The following FMN1 variants were observed in gnomAD, a reference collection of about 807,000 sequenced individuals.
The protein encoded by FMN1 is formin-1.
Under a neutral mutation model 132.4 loss-of-function variants are expected in FMN1, and 110 were observed. The observed-to-expected ratio is 0.83, with a 90% CI of 0.71 to 0.97. FMN1 has a LOEUF of 0.97. Among genes scored for constraint, FMN1 ranks in the 50% least tolerant of loss-of-function variants. The pLI is 0.00. For missense variants in FMN1, 1,792 were observed against 1,705.3 expected (o/e 1.05, Z -0.90); for synonymous variants, 722 against 651.7 (o/e 1.11, Z -1.64).
At chr15:33,096,320 T>C (rs2039083318) in intron 4 of FMN1, among the ~76,000 whole-genome samples, 1 of 152,224 alleles carries the variant, frequency 6.6e-6, no homozygotes, top group Non-Finnish European at 1.5e-5. Flanking sequence ...CCAATAAGGC[T>C]GGTCTAGTCG....
intron 16 of FMN1, among the ~76,000 whole-genome samples, chr15:32,868,808 A>G (rs909279717): frequency 3.3e-5 from 5 of 152,144 alleles, no homozygotes; most frequent in African/African-American, 1.2e-4. Flanking sequence ...CTTACCAAGT[A>G]TCTGCTGTAT....
At chr15:33,082,091 CAATGTGT>C (rs1300926970) in intron 5 of FMN1, among the ~76,000 whole-genome samples, 1 of 76,060 alleles carries the variant, frequency 1.3e-5, no homozygotes, top group Non-Finnish European at 2.5e-5. Flanking sequence ...GGCTGGAAAA[CAATGTGT>C]GTGTGTGTGT....
At position 32,804,245 on chromosome 15, in the gene FMN1, C is replaced by T. The variant is rs753136639; in HGVS notation, c.3980+36G>A. On this transcript the variant is annotated intron_variant, in intron 18 of 20. Transcript: ENST00000616417. ...ATAATAATACAAAAGAATGGCTAGT[C>T]AAAGAAAGAACTGGGGCCAAATCAG... 3 of 1,487,694 alleles carry T rather than the reference C, an allele frequency of 2.0e-6. No individual in the cohort carries two copies. The East Asian group carries it at 7.2e-5, about 36-fold the overall frequency. 92.2% of individuals were successfully genotyped at this position (1,487,694 alleles called of 1,614,324 possible). A position where few individuals can be genotyped will look rare whatever the true frequency, so the allele number is the denominator to read the frequency against.
chr15:33,063,861 C>T (rs2037595602), intron 6 of FMN1: 1 of 152,164 alleles, frequency 6.6e-6, no homozygotes, highest in African/African-American at 2.4e-5. Flanking sequence ...TTCATTCTTA[C>T]ACAATTATGA....
intron 9 of FMN1, among the ~76,000 whole-genome samples, chr15:32,933,356 A>G (rs2061170918): frequency 6.6e-6 from 1 of 152,162 alleles, no homozygotes; most frequent in African/African-American, 2.4e-5. Context: ...TATAATTCCA[A>G]TTTTTAAAAA....
At chr15:33,110,218 A>G (rs531055082) in intron 4 of FMN1, among the ~76,000 whole-genome samples, 2 of 152,122 alleles carry the variant, frequency 1.3e-5, no homozygotes, top group African/African-American at 2.4e-5. Context: ...CTAAAAAACC[A>G]TAAGCAAGTA....
chr15:32,883,377 G>A (rs558221448), intron 16 of FMN1, among the ~76,000 whole-genome samples: 1 of 151,882 alleles, frequency 6.6e-6, no homozygotes, highest in South Asian at 2.1e-4. Flanking sequence ...GGGCGTGGTG[G>A]TATACATCTG....
At chr15:33,005,762 C>T (rs1417676516) in intron 7 of FMN1, among the ~76,000 whole-genome samples, 1 of 152,126 alleles carries the variant, frequency 6.6e-6, no homozygotes, top group African/African-American at 2.4e-5. Flanking sequence ...CTGTTCCTGC[C>T]CTCTTTAGGA....
At chr15:32,933,639 G>C (rs1240370857) in intron 9 of FMN1, among the ~76,000 whole-genome samples, 1 of 152,012 alleles carries the variant, frequency 6.6e-6, no homozygotes, top group African/African-American at 2.4e-5. Context: ...CATATATTTG[G>C]CTTGTACGTT....
At chr15:32,844,830 T>G (rs918557589) in intron 17 of FMN1, among the ~76,000 whole-genome samples, 2 of 152,240 alleles carry the variant, frequency 1.3e-5, no homozygotes, top group South Asian at 4.1e-4. Flanking sequence ...CTGATAAGAT[T>G]TGACAAAATC....
rs114421694 is a variant in FMN1, at chr15:32,961,347, T to C, written c.3138+2760A>G. On this transcript the variant is annotated intron_variant, in intron 9 of 20. Coordinates refer to ENST00000616417, the MANE Select transcript of FMN1 (RefSeq NM_001277313.2). ...CGGGGTTTCCCGAAATTGGCCAGGCTGGTGTCGAACTCCTGACCTCAGCTG... is the reference window on the plus strand; with the variant it reads ...CGGGGTTTCCCGAAATTGGCCAGGCCGGTGTCGAACTCCTGACCTCAGCTG... Among the ~76,000 whole-genome samples, 1,010 of 152,184 alleles carry C rather than the reference T, an allele frequency of 6.6e-3. 18 individuals are homozygous for C. Among genetic ancestry groups the C allele is most frequent in the African/African-American group, 0.023 (964 of 41,514 alleles).
chr15:33,162,013 T>C (rs1175190192), intron 3 of FMN1, among the ~76,000 whole-genome samples: 1 of 152,164 alleles, frequency 6.6e-6, no homozygotes, highest in Non-Finnish European at 1.5e-5. Context: ...GCTTTCCTTT[T>C]TGTTTTTCTT....
chr15:33,163,624 G>C (rs1350262674), intron 3 of FMN1, among the ~76,000 whole-genome samples: 1 of 115,190 alleles, frequency 8.7e-6, no homozygotes, highest in Non-Finnish European at 2.0e-5. Flanking sequence ...GTTTTGTTTT[G>C]TTTTGTTTTT....
intron 3 of FMN1, among the ~76,000 whole-genome samples, chr15:33,176,670 T>C (rs1965526601): frequency 6.6e-6 from 1 of 152,152 alleles, no homozygotes. Context: ...CCTGTCCCTA[T>C]AAAAATTCAC....
chr15:32,845,101 T>C (rs2058827429), intron 17 of FMN1, among the ~76,000 whole-genome samples: 1 of 152,218 alleles, frequency 6.6e-6, no homozygotes, highest in Admixed American at 6.5e-5. Context: ...GCTCTTTCAT[T>C]ATGAAGAAGA....
intron 17 of FMN1, chr15:32,837,273 T>G: frequency 4.6e-6 from 1 of 215,632 alleles, no homozygotes; most frequent in Admixed American, 4.3e-5. Context: ...GAAGTCAAAC[T>G]TCTACTCTTT....
intron 4 of FMN1, among the ~76,000 whole-genome samples, chr15:33,131,606 T>C (rs896797256): frequency 6.6e-6 from 1 of 152,162 alleles, no homozygotes; most frequent in African/African-American, 2.4e-5. Context: ...GAAATATCCT[T>C]CAAAAATACA....
intron 4 of FMN1, among the ~76,000 whole-genome samples, chr15:33,112,411 T>C (rs930449054): frequency 6.6e-6 from 1 of 152,186 alleles, no homozygotes; most frequent in African/African-American, 2.4e-5. Context: ...CTAGTTTTCT[T>C]ACATAATTCT....
chr15:33,179,816 G>T (rs568811734), intron 3 of FMN1, among the ~76,000 whole-genome samples: 1 of 152,110 alleles, frequency 6.6e-6, no homozygotes, highest in African/African-American at 2.4e-5. Context: ...CACATAATGG[G>T]CCCAGTTAGC....
Sources: gnomAD v4.1 joint callset for allele counts (sites outside exome capture counted in the v4.1 genomes callset) on GRCh38, gnomAD v4.1.1 for gene constraint, MANE v1.5 for transcripts, NCBI Gene and HGNC (gene_info 2026-07-23, HGNC 2026-07-21) for gene names.